PLPPR4: variants seen among roughly 807,000 people sequenced by gnomAD.
PLPPR4 encodes the protein phospholipid phosphatase related 4, also known as phospholipid phosphatase-related protein type 4.
In PLPPR4, 24 loss-of-function variants were observed where a neutral mutation model predicts 56.6. The observed-to-expected ratio is 0.42, with a 90% CI of 0.31 to 0.60. PLPPR4 has a LOEUF of 0.60. Ranked by LOEUF, PLPPR4 falls within the 20% of genes least tolerant of loss-of-function variation. The probability of loss-of-function intolerance (pLI) is 0.13; values close to 1 mark genes in which losing one functional copy is unlikely to be tolerated. For missense variants in PLPPR4, 654 were observed against 885.8 expected, an observed-to-expected ratio of 0.74 and a Z score of 3.32; for synonymous variants, 326 against 328.1, an observed-to-expected ratio of 0.99 and a Z score of 0.07.
At chr1:99,304,113 A>G (rs563864508) in intron 6 of PLPPR4, among the ~76,000 whole-genome samples, 2 of 152,194 alleles carry the variant, frequency 1.3e-5, no homozygotes, top group African/African-American at 2.4e-5. Context: ...GAATTAAACA[A>G]CTACAGACAT....
intron 1 of PLPPR4, among the ~76,000 whole-genome samples, chr1:99,270,876 A>G (rs1028834427): frequency 6.6e-6 from 1 of 152,232 alleles, no homozygotes; most frequent in Non-Finnish European, 1.5e-5. Context: ...CTTCTCTTTC[A>G]AAGTCACAAT....
Position 99,306,301 on chromosome 1 carries a change from C to G in PLPPR4, c.1439C>G (p.Pro480Arg). Residue 480 changes from proline to arginine, a missense_variant, in exon 7 of 7, where the codon CCT becomes CGT. Coordinates refer to ENST00000370185, the MANE Select transcript of PLPPR4 (RefSeq NM_014839.5). The surrounding 1 kb of genome is among the most constrained non-coding windows in gnomAD (Gnocchi z 4.0). ...CCAAGAGTGTCCATTCAGTCCCGTCCTGGGTCCTCACAGTTGGTGCACATC... is the reference window on the plus strand; with the variant it reads ...CCAAGAGTGTCCATTCAGTCCCGTCGTGGGTCCTCACAGTTGGTGCACATC... ...GGPRVSIQSR[P>R]GSSQLVHIPE... 1 of 1,614,176 alleles carries G rather than the reference C, an allele frequency of 6.2e-7. No homozygotes were observed.
At position 99,307,740 on chromosome 1, in the gene PLPPR4, C is replaced by T. The variant is rs1200686749; in HGVS notation, c.*730C>T. 6.6e-6 allele frequency: 1 copy of T among 152,144 alleles called. No individual in the cohort carries two copies. The highest frequency in any genetic ancestry group is 1.5e-5 in the Non-Finnish European group (1 of 68,022). 9.4% of individuals were successfully genotyped at this position (152,144 alleles called of 1,614,324 possible). A position where few individuals can be genotyped will look rare whatever the true frequency, so the allele number is the denominator to read the frequency against. On this transcript the variant is annotated 3_prime_UTR_variant, in exon 7 of 7. Transcript: ENST00000370185. ...AAAGGGAATAACTAGTACTTTTCTG[C>T]ATAGTTTTTCTTCTGCTTACTTTTT...
intron 6 of PLPPR4, among the ~76,000 whole-genome samples, chr1:99,305,290 G>T (rs1397161720): frequency 6.6e-6 from 1 of 151,984 alleles, no homozygotes; most frequent in African/African-American, 2.4e-5. Flanking sequence ...GAAAATGGAA[G>T]GTAAAATAAA....
chr1:99,277,762 CT>C lies in PLPPR4; in HGVS notation c.79-10198del, dbSNP rs1366915347. ...TCCTTCTCGGTGCTTCAAACTAGATCTTTTTCAGATATGTTATGAGTGAGTA... is the reference window on the plus strand; with the variant it reads ...TCCTTCTCGGTGCTTCAAACTAGATCTTTTCAGATATGTTATGAGTGAGTA... On this transcript the variant is annotated intron_variant, in intron 1 of 6. Transcript: ENST00000370185. Among the ~76,000 whole-genome samples, 17 of 151,918 alleles carry C rather than the reference CT, an allele frequency of 1.1e-4. No individual in the cohort carries two copies. The East Asian group carries it at 2.1e-3, about 19-fold the overall frequency.
chr1:99,284,261 T>C (rs1455185574), intron 1 of PLPPR4, among the ~76,000 whole-genome samples: 1 of 152,146 alleles, frequency 6.6e-6, no homozygotes, highest in Non-Finnish European at 1.5e-5. Context: ...ATGTTAGAAA[T>C]AAACATTGTC....
intron 1 of PLPPR4, among the ~76,000 whole-genome samples, chr1:99,279,262 T>A (rs539726219): frequency 6.6e-6 from 1 of 152,176 alleles, no homozygotes; most frequent in Non-Finnish European, 1.5e-5. Flanking sequence ...TTCATCAGGA[T>A]ATCTCTGTAT....
Position 99,264,551 on chromosome 1 carries a change from C to T in PLPPR4, c.-43C>T. 3 of 1,551,278 alleles carry T rather than the reference C, an allele frequency of 1.9e-6. No individual in the cohort carries two copies. The highest frequency in any genetic ancestry group is 2.6e-6 in the Non-Finnish European group (3 of 1,147,284). ...CAGCTCGCCTCAGCTGCGCTGTGCA[C>T]ACCTCGCCCGGGGGAGGACGCAGAC... On this transcript the variant is annotated 5_prime_UTR_variant, in exon 1 of 7. Coordinates refer to ENST00000370185, the MANE Select transcript of PLPPR4 (RefSeq NM_014839.5).
intron 2 of PLPPR4, among the ~76,000 whole-genome samples, chr1:99,294,495 A>G (rs1465005632): frequency 6.6e-6 from 1 of 152,180 alleles, no homozygotes; most frequent in Non-Finnish European, 1.5e-5. Flanking sequence ...CAGGAGTTTG[A>G]GACCAGCCTG....
intron 2 of PLPPR4, among the ~76,000 whole-genome samples, chr1:99,289,207 T>G (rs1659553097): frequency 6.6e-6 from 1 of 152,162 alleles, no homozygotes; most frequent in Non-Finnish European, 1.5e-5. Flanking sequence ...AGGAAATGGC[T>G]ATTAAATTAA....
rs1195753337 is a variant in PLPPR4 at position 99,305,983 on chromosome 1, C to T, written c.1121C>T (p.Thr374Ile). Residue 374 changes from threonine to isoleucine, a missense_variant, in exon 7 of 7, where the codon ACC becomes ATC. Thr to Ile is a moderately conservative substitution (Grantham distance 89). This residue lies in a region of PLPPR4 where 468 missense variants were observed against 554.3 expected (regional missense o/e 0.84). Transcript: ENST00000370185. Reference sequence around the variant, plus strand: ...AGCAATACCTTGCCGCGAGCCAATACCCCATCTGTAGAAGACCCTGTCAGA... The same window carrying T: ...AGCAATACCTTGCCGCGAGCCAATATCCCATCTGTAGAAGACCCTGTCAGA... ...TFSNTLPRAN[T>I]PSVEDPVRRN... The T allele has an allele frequency of 1.5e-5, 24 of 1,614,162 alleles. No individual in the cohort carries two copies. Among genetic ancestry groups the T allele is most frequent in the Non-Finnish European group, 1.9e-5 (22 of 1,180,026 alleles).
intron 1 of PLPPR4, among the ~76,000 whole-genome samples, chr1:99,276,741 A>G (rs1394921537): frequency 6.6e-6 from 1 of 152,314 alleles, no homozygotes; most frequent in South Asian, 2.1e-4. Context: ...TAAAGTACTG[A>G]TGCTAATGGG....
chr1:99,287,911 T>C (rs1659509571), intron 1 of PLPPR4, 54 bp from the exon 2 acceptor site: 1 of 1,400,494 alleles, frequency 7.1e-7, no homozygotes, highest in Non-Finnish European at 9.9e-7. Context: ...GTTTTCTATG[T>C]ATGCCCTGTA....
In PLPPR4 at chr1:99,306,479, T is replaced by A; in HGVS notation, c.1617T>A (p.Gly539=). 1 of 1,613,996 alleles carries A rather than the reference T, an allele frequency of 6.2e-7. No homozygotes were observed. The highest frequency in any genetic ancestry group is 8.5e-7 in the Non-Finnish European group (1 of 1,179,990). The change falls in exon 7 of 7, where the codon GGT becomes GGA. Residue 539 remains glycine (G), a synonymous_variant. Coordinates refer to ENST00000370185, the MANE Select transcript of PLPPR4 (RefSeq NM_014839.5). This position sits in a 1 kb window ranked among gnomAD's most constrained non-coding sequence, Gnocchi z 4.0. ...TCATAGCCATGTCCAAGCAGCAGGG[T>A]GTCCTCCAAAGCAGCCCCAAGAACA... The part of the protein sequence containing the change: ...MQVIAMSKQQ[G]VLQSSPKNTE...
intron 6 of PLPPR4, among the ~76,000 whole-genome samples, 194 bp from the exon 7 acceptor site, chr1:99,305,491 A>G (rs974796246): frequency 5.3e-5 from 8 of 152,224 alleles, no homozygotes; most frequent in Non-Finnish European, 7.3e-5. Context: ...TTGCTGAGCA[A>G]TTCATGCAGC....
intron 1 of PLPPR4, among the ~76,000 whole-genome samples, chr1:99,283,388 T>C (rs1285101769): frequency 6.6e-6 from 1 of 152,198 alleles, no homozygotes; most frequent in Non-Finnish European, 1.5e-5. Context: ...AGATAAAATA[T>C]CATGATAGTT....
intron 1 of PLPPR4, among the ~76,000 whole-genome samples, chr1:99,271,073 G>C (rs1659047222): frequency 6.6e-6 from 1 of 152,038 alleles, no homozygotes; most frequent in Non-Finnish European, 1.5e-5. Flanking sequence ...CTCAAAATGT[G>C]ATTTTTTTCT....
At chr1:99,279,599 C>T (rs1659273872) in intron 1 of PLPPR4, among the ~76,000 whole-genome samples, 1 of 152,134 alleles carries the variant, frequency 6.6e-6, no homozygotes, top group Admixed American at 6.6e-5. Context: ...CATCTCTCGC[C>T]TTGTGTCCTT....
At chr1:99,264,237 C>G, upstream of PLPPR4, 6 of 539,444 alleles carry the variant, frequency 1.1e-5, no homozygotes, top group Non-Finnish European at 1.6e-5. Flanking sequence ...CAAGCTCCGA[C>G]AGCCTTGGAG....
Sources: allele counts gnomAD v4.1 joint callset (sites outside exome capture counted in the v4.1 genomes callset), GRCh38; gene constraint gnomAD v4.1.1; regional missense constraint gnomAD v4.1.1; non-coding constraint Gnocchi (gnomAD v3.1); transcripts MANE v1.5; gene names NCBI Gene and HGNC (gene_info 2026-07-23, HGNC 2026-07-21).